WDR72: variants seen among roughly 807,000 people sequenced by gnomAD.
The protein encoded by WDR72 is WD repeat domain 72.
WDR72 carries 120 observed loss-of-function variants against 124.2 expected under a neutral mutation model. The observed-to-expected ratio is 0.97, with a 90% CI of 0.83 to 1.12. WDR72 has a LOEUF of 1.12. Ranked by LOEUF, WDR72 falls within the 50% of genes most tolerant of loss-of-function variation. The pLI is 0.00. For synonymous variants in WDR72, 452 were observed against 441.7 expected (o/e 1.02, Z -0.29); for missense variants, 1,387 against 1,278.8 (o/e 1.08, Z -1.29).
At chr15:53,576,984 G>C (rs567686225) in intron 18 of WDR72, among the ~76,000 whole-genome samples, 8 of 152,120 alleles carry the variant, frequency 5.3e-5, no homozygotes, top group Non-Finnish European at 8.8e-5. Context: ...TAAGGGATCA[G>C]TTTGAACCTT....
intron 13 of WDR72, among the ~76,000 whole-genome samples, chr15:53,682,163 G>GCAGAC (rs1369718525): frequency 2.0e-5 from 3 of 152,122 alleles, no homozygotes; most frequent in African/African-American, 7.2e-5. Context: ...ACCACTTCAT[G>GCAGAC]CAGACCATTT....
At chr15:53,531,900 A>G (rs917820700) in intron 18 of WDR72, among the ~76,000 whole-genome samples, 5 of 152,218 alleles carry the variant, frequency 3.3e-5, no homozygotes, top group Non-Finnish European at 5.9e-5. Context: ...TCTCTAAGAC[A>G]CTAAGGGTTC....
At chr15:53,724,469 G>A (rs1208250279) in intron 2 of WDR72, among the ~76,000 whole-genome samples, 2 of 152,184 alleles carry the variant, frequency 1.3e-5, no homozygotes, top group Admixed American at 1.3e-4. Flanking sequence ...AAGCATGACT[G>A]GGAAGCCTCG....
chr15:53,556,635 T>C (rs1369156450), intron 18 of WDR72, among the ~76,000 whole-genome samples: 1 of 152,112 alleles, frequency 6.6e-6, no homozygotes, highest in African/African-American at 2.4e-5. Context: ...AGAATAAATA[T>C]AATTGCATTG....
chr15:53,740,167 T>G (rs1312688673), intron 1 of WDR72, among the ~76,000 whole-genome samples: 1 of 152,096 alleles, frequency 6.6e-6, no homozygotes, highest in Non-Finnish European at 1.5e-5. Flanking sequence ...TCCCTGAAAA[T>G]TATCCGCTCT....
intron 14 of WDR72, among the ~76,000 whole-genome samples, chr15:53,628,295 G>GA (rs927544592): frequency 2.0e-5 from 3 of 151,906 alleles, no homozygotes; most frequent in Non-Finnish European, 2.9e-5. Context: ...TTAATGCAAA[G>GA]AAAAAAATTA....
At chr15:53,535,673 A>T (rs1892724451) in intron 18 of WDR72, among the ~76,000 whole-genome samples, 1 of 152,188 alleles carries the variant, frequency 6.6e-6, no homozygotes, top group Non-Finnish European at 1.5e-5. Context: ...GTATAGCTAG[A>T]GTAAGGAGGT....
At chr15:53,519,035 A>T (rs1422600688) in intron 19 of WDR72, among the ~76,000 whole-genome samples, 1 of 152,034 alleles carries the variant, frequency 6.6e-6, no homozygotes. Flanking sequence ...TGTCACTATT[A>T]TTTTCAGCTG....
chr15:53,745,962 G>A (rs2018634225), intron 1 of WDR72, among the ~76,000 whole-genome samples: 1 of 152,002 alleles, frequency 6.6e-6, no homozygotes, highest in South Asian at 2.1e-4. Flanking sequence ...AAATTCTTAG[G>A]GATTTGCGAT....
chr15:53,532,937 A>C (rs1048402683), intron 18 of WDR72, among the ~76,000 whole-genome samples: 1 of 152,144 alleles, frequency 6.6e-6, no homozygotes, highest in African/African-American at 2.4e-5. Context: ...ACAAATAAAA[A>C]ATTTAAAATA....
chr15:53,706,538 C>T (rs972521339), intron 9 of WDR72, among the ~76,000 whole-genome samples: 20 of 151,260 alleles, frequency 1.3e-4, no homozygotes, highest in African/African-American at 3.6e-4. Context: ...TTGTCTAAGG[C>T]GATTAGAAGA....
chr15:53,546,578 T>C (rs1464763930), intron 18 of WDR72, among the ~76,000 whole-genome samples: 2 of 152,028 alleles, frequency 1.3e-5, no homozygotes, highest in African/African-American at 4.8e-5. Context: ...GACGAGTTAG[T>C]GGGTGCAGCG....
chr15:53,699,792 C>G lies in WDR72; in HGVS notation c.1723G>C (p.Gly575Arg). The G allele has an allele frequency of 6.2e-7, 1 of 1,614,130 alleles. No homozygotes were observed. The stretch of plus-strand genomic sequence containing the variant: ...ATATAAACTGAGTCATCTGCACATC[C>G]AACAATTAAAAAATTCTCAACCGGG... ...WHPVENFLIV[G>R]CADDSVYIWE... Residue 575 changes from glycine to arginine, a missense_variant, in exon 13 of 20, where the codon GGA becomes CGA. Coordinates refer to ENST00000360509, the MANE Select transcript of WDR72 (RefSeq NM_182758.4).
rs2017677988 is a variant in WDR72 at position 53,715,485 on chromosome 15, T to G, written c.340-118A>C. 9.9e-6 allele frequency: 12 copies of G among 1,209,236 alleles called. No homozygotes were observed. In the East Asian group the frequency reaches 3.0e-4, roughly 31 times the overall value. The allele number at this position is 1,209,236 out of a possible 1,614,324, so 74.9% of individuals were successfully genotyped here. On this transcript the variant is annotated intron_variant, in intron 4 of 19. Coordinates refer to ENST00000360509, the MANE Select transcript of WDR72 (RefSeq NM_182758.4). ...CATATGATCAATTAAGGTATTGAAC[T>G]GAATAGCAACTAAAATTTCTCTTAG...
At chr15:53,552,037 G>C (rs149405657) in intron 18 of WDR72, among the ~76,000 whole-genome samples, 105 of 152,228 alleles carry the variant, frequency 6.9e-4, no homozygotes, top group African/African-American at 2.4e-3. Context: ...TCAGGGAAAA[G>C]ACAGAAAATT....
chr15:53,720,634 C>T (rs2017852098), intron 3 of WDR72, among the ~76,000 whole-genome samples: 3 of 152,270 alleles, frequency 2.0e-5, no homozygotes, highest in Admixed American at 6.5e-5. Context: ...TTTCTGTCCA[C>T]TTTTTGAAGG....
intron 14 of WDR72, among the ~76,000 whole-genome samples, chr15:53,642,923 CTG>C (rs1331448798): frequency 3.3e-5 from 5 of 152,002 alleles, no homozygotes; most frequent in Admixed American, 1.3e-4. Flanking sequence ...ATTCTGGGAA[CTG>C]TGTTACCTCC....
chr15:53,543,863 C>G (rs145754665), intron 18 of WDR72, among the ~76,000 whole-genome samples: 55 of 152,242 alleles, frequency 3.6e-4, no homozygotes, highest in Middle Eastern at 3.4e-3. Flanking sequence ...ACTACAAACA[C>G]CTCTACAAAC....
intron 18 of WDR72, among the ~76,000 whole-genome samples, chr15:53,560,674 G>A (rs1894094586): frequency 6.6e-6 from 1 of 151,836 alleles, no homozygotes; most frequent in Non-Finnish European, 1.5e-5. Context: ...TCTAGTTTAA[G>A]TTTTTTAGTT....
Sources: gnomAD v4.1 joint callset for allele counts (sites outside exome capture counted in the v4.1 genomes callset) on GRCh38, gnomAD v4.1.1 for gene constraint, MANE v1.5 for transcripts, NCBI Gene and HGNC (gene_info 2026-07-23, HGNC 2026-07-21) for gene names.